Variants in ANO10 observed in about 807,000 individuals in gnomAD.
The protein encoded by ANO10 is anoctamin-10.
ANO10 carries 77 observed loss-of-function variants against 74.7 expected under a neutral mutation model. That is an observed-to-expected ratio of 1.03 (90% CI 0.86 to 1.25). The LOEUF (loss-of-function observed/expected upper bound fraction) is 1.25. Ranked by LOEUF, ANO10 falls within the 50% of genes most tolerant of loss-of-function variation. The probability of loss-of-function intolerance (pLI) is 0.00; values close to 1 mark genes in which losing one functional copy is unlikely to be tolerated. For synonymous variants in ANO10, 279 were observed against 284.9 expected, an observed-to-expected ratio of 0.98 and a Z score of 0.21; for missense variants, 721 against 778.1, an observed-to-expected ratio of 0.93 and a Z score of 0.87.
intron 12 of ANO10, among the ~76,000 whole-genome samples, chr3:43,402,510 C>T (rs73831292): frequency 0.023 from 3,577 of 152,254 alleles, 147 homozygotes; most frequent in African/African-American, 0.081. Context: ...GCCACAGACA[C>T]GATGGAGTGC....
chr3:43,446,854 T>C (rs2093254053), intron 11 of ANO10, among the ~76,000 whole-genome samples: 2 of 152,194 alleles, frequency 1.3e-5, no homozygotes, highest in African/African-American at 2.4e-5. Context: ...TTTTGAACTA[T>C]AGTTTGAAGG....
chr3:43,461,515 G>A (rs2075377605), intron 11 of ANO10, among the ~76,000 whole-genome samples: 1 of 152,200 alleles, frequency 6.6e-6, no homozygotes. Flanking sequence ...GGGACCCAGT[G>A]GGAGGTAACT....
chr3:43,394,808 G>A (rs2092346784), intron 12 of ANO10, among the ~76,000 whole-genome samples: 1 of 152,170 alleles, frequency 6.6e-6, no homozygotes, highest in Non-Finnish European at 1.5e-5. Context: ...TGTAGTAACT[G>A]ACATGGGCAA....
At chr3:43,407,624 T>G (rs997534532) in intron 12 of ANO10, among the ~76,000 whole-genome samples, 1 of 152,114 alleles carries the variant, frequency 6.6e-6, no homozygotes, top group African/African-American at 2.4e-5. Context: ...ACAAGCTCGG[T>G]AACTAAGAGA....
chr3:43,412,170 A>G (rs1221514963), intron 12 of ANO10, among the ~76,000 whole-genome samples: 1 of 151,830 alleles, frequency 6.6e-6, no homozygotes, highest in Non-Finnish European at 1.5e-5. Context: ...AGGAATAGAA[A>G]ACAGCCAGGT....
At chr3:43,456,907 T>C (rs576767844) in intron 11 of ANO10, among the ~76,000 whole-genome samples, 66 of 152,356 alleles carry the variant, frequency 4.3e-4, no homozygotes, top group African/African-American at 1.6e-3. Context: ...ACAACTTTCT[T>C]GTATTTGTTA....
intron 4 of ANO10, among the ~76,000 whole-genome samples, chr3:43,595,673 C>G (rs757019829): frequency 1.1e-4 from 17 of 152,266 alleles, no homozygotes; most frequent in Admixed American, 9.2e-4. Context: ...TGGGCAAAAA[C>G]TGTAAGTATT....
intron 1 of ANO10, among the ~76,000 whole-genome samples, chr3:43,630,577 T>A (rs1197646782): frequency 6.6e-6 from 1 of 152,190 alleles, no homozygotes; most frequent in Non-Finnish European, 1.5e-5. Flanking sequence ...GTAACATTGC[T>A]GCCCCTCAAA....
At position 43,437,481 on chromosome 3, in the gene ANO10, C is replaced by T. The variant is rs534351834; in HGVS notation, c.1798-4754G>A. ...CTAACTTTCTGTCTTTTCAGAGGAC[C>T]GCCTGAGGGACTAGTTTCTGCCTTT... is the stretch of plus-strand genomic sequence containing the variant. On this transcript the variant is annotated intron_variant, in intron 11 of 12. Coordinates refer to ENST00000292246, the MANE Select transcript of ANO10 (RefSeq NM_018075.5). Among the ~76,000 whole-genome samples the T allele has an allele frequency of 2.6e-4, 39 of 152,172 alleles. No individual in the cohort carries two copies. In the South Asian group the frequency reaches 6.6e-3, roughly 26 times the overall value.
intron 12 of ANO10, among the ~76,000 whole-genome samples, chr3:43,417,525 A>T (rs2092759745): frequency 6.6e-6 from 1 of 151,898 alleles, no homozygotes; most frequent in Non-Finnish European, 1.5e-5. Context: ...CTAGAGAGAG[A>T]GCTGTTTTCC....
intron 11 of ANO10, among the ~76,000 whole-genome samples, chr3:43,441,076 G>A (rs1021576445): frequency 6.6e-6 from 1 of 151,782 alleles, no homozygotes; most frequent in Admixed American, 6.6e-5. Context: ...AGTGGTAAAT[G>A]CTTACATTAT....
chr3:43,439,521 C>T (rs1048023926), intron 11 of ANO10, among the ~76,000 whole-genome samples: 1 of 151,740 alleles, frequency 6.6e-6, no homozygotes, highest in African/African-American at 2.4e-5. Flanking sequence ...ATATAAATCA[C>T]TTTTAATTCT....
intron 12 of ANO10, among the ~76,000 whole-genome samples, chr3:43,417,232 C>T (rs937012530): frequency 6.6e-5 from 10 of 152,200 alleles, no homozygotes; most frequent in Admixed American, 2.0e-4. Flanking sequence ...AAAGAACTAC[C>T]TGGGACTAGG....
chr3:43,487,487 T>C (rs1291574683), intron 11 of ANO10, among the ~76,000 whole-genome samples: 6 of 152,000 alleles, frequency 3.9e-5, no homozygotes, highest in African/African-American at 1.2e-4. Flanking sequence ...TCAGCTCCTG[T>C]TATTGGTCTA....
At chr3:43,652,329 T>C (rs145164205) in intron 1 of ANO10, among the ~76,000 whole-genome samples, 120 of 152,306 alleles carry the variant, frequency 7.9e-4, no homozygotes, top group Non-Finnish European at 1.4e-3. Flanking sequence ...TGGGATAGAA[T>C]TGAGAATCCA....
intron 1 of ANO10, among the ~76,000 whole-genome samples, chr3:43,643,678 C>CTTTTTTTTTTTTTTTTTTT (rs1310556861): frequency 1.3e-4 from 17 of 133,624 alleles, no homozygotes; most frequent in African/African-American, 5.0e-4. Context: ...TTGTCCTCAT[C>CTTTTTTTTTTTTTTTTTTT]TTTTCTTTTT....
intron 12 of ANO10, among the ~76,000 whole-genome samples, chr3:43,402,389 G>A (rs1394680382): frequency 6.6e-6 from 1 of 152,052 alleles, no homozygotes; most frequent in Non-Finnish European, 1.5e-5. Context: ...TCATTCCCAT[G>A]TTTCTTTCCC....
chr3:43,565,813 T>C (rs1464428360), intron 7 of ANO10, 86 bp from the exon 8 acceptor site: 6 of 1,440,054 alleles, frequency 4.2e-6, no homozygotes, highest in Non-Finnish European at 4.7e-6. Context: ...TTTAAAAATG[T>C]AATGGGAGCG....
intron 12 of ANO10, among the ~76,000 whole-genome samples, chr3:43,430,931 G>A (rs1159156644): frequency 6.6e-6 from 1 of 151,884 alleles, no homozygotes; most frequent in South Asian, 2.1e-4. Flanking sequence ...CTGTAAATGT[G>A]AATTTTTCAT....
Sources: gnomAD v4.1 joint callset for allele counts (sites outside exome capture counted in the v4.1 genomes callset) on GRCh38, gnomAD v4.1.1 for gene constraint, MANE v1.5 for transcripts, NCBI Gene and HGNC (gene_info 2026-07-23, HGNC 2026-07-21) for gene names.